ANKFN1: variants seen among roughly 807,000 people sequenced by gnomAD.
ANKFN1 encodes ankyrin repeat and fibronectin type III domain containing 1.
Under a neutral mutation model 108.7 loss-of-function variants are expected in ANKFN1, and 74 were observed. The ratio of observed to expected loss-of-function variants is 0.68; its 90% confidence interval spans 0.56 to 0.83. The LOEUF (loss-of-function observed/expected upper bound fraction) is 0.83. Among genes scored for constraint, ANKFN1 ranks in the 40% least tolerant of loss-of-function variants. The probability of loss-of-function intolerance (pLI) is 0.00; values close to 1 mark genes in which losing one functional copy is unlikely to be tolerated. For synonymous variants in ANKFN1, 547 were observed against 516.2 expected, an observed-to-expected ratio of 1.06 and a Z score of -0.81; for missense variants, 1,505 against 1,382.3, an observed-to-expected ratio of 1.09 and a Z score of -1.41.
intron 3 of ANKFN1, among the ~76,000 whole-genome samples, chr17:56,251,777 G>T (rs2043240941): frequency 6.6e-6 from 1 of 152,248 alleles, no homozygotes; most frequent in East Asian, 1.9e-4. Context: ...AGAGTTAAAA[G>T]AAGAGAAAAA....
upstream of ANKFN1, chr17:56,153,386 T>C: frequency 7.3e-6 from 9 of 1,237,068 alleles, no homozygotes; most frequent in Non-Finnish European, 9.5e-6. Context: ...GAGGCAGCCA[T>C]GCTCAGTCTC....
chr17:56,200,998 G>T lies in ANKFN1; in HGVS notation c.-70-11600G>T, dbSNP rs545460122. Among the ~76,000 whole-genome samples the T allele has an allele frequency of 1.6e-4, 24 of 152,234 alleles. 1 individual carries two copies. The highest frequency in any genetic ancestry group is 5.5e-4 in the African/African-American group (23 of 41,546). ...GCATCTCTCCAGAATAGCCCCAGTG[G>T]GTAGGACTACTGCAATCATCTTCTA... On this transcript the variant is annotated intron_variant, in intron 1 of 20. Transcript: ENST00000682825.
chr17:56,407,343 G>A (rs1296260571), intron 8 of ANKFN1, among the ~76,000 whole-genome samples: 6 of 152,156 alleles, frequency 3.9e-5, no homozygotes, highest in African/African-American at 1.2e-4. Context: ...TTTTATATGT[G>A]TTATATCACT....
At chr17:56,493,827 T>C (rs1252719228) in intron 19 of ANKFN1, among the ~76,000 whole-genome samples, 1 of 152,156 alleles carries the variant, frequency 6.6e-6, no homozygotes, top group Non-Finnish European at 1.5e-5. Context: ...TAAGAAGCTA[T>C]TATAACTATC....
At chr17:56,266,265 T>A (rs2043376682) in intron 3 of ANKFN1, among the ~76,000 whole-genome samples, 1 of 152,134 alleles carries the variant, frequency 6.6e-6, no homozygotes, top group Non-Finnish European at 1.5e-5. Flanking sequence ...TCTGTGAGAA[T>A]TTTACCTACC....
chr17:56,115,117 C>A (rs1245501352), intron 4 of ANKFN1, among the ~76,000 whole-genome samples: 2 of 152,166 alleles, frequency 1.3e-5, no homozygotes, highest in Non-Finnish European at 2.9e-5. Context: ...ATTACAGCAG[C>A]AATAGAAAAC....
rs1415109091 is a variant in ANKFN1, at chr17:56,388,486, T to C, written c.910+13772T>C. 2.0e-5 allele frequency among the ~76,000 whole-genome samples: 3 copies of C among 152,230 alleles called. No homozygotes were observed. In the East Asian group the frequency reaches 5.8e-4, roughly 29 times the overall value. ...CAATTATAGCTACAAAAGAAAAGCA[T>C]TTAACTCTTTTAATACTGCACTCCT... On this transcript the variant is annotated intron_variant, in intron 8 of 20. Coordinates refer to ENST00000682825, the MANE Select transcript of ANKFN1 (RefSeq NM_001370326.1).
At chr17:56,335,200 G>C (rs369220824) in intron 4 of ANKFN1, among the ~76,000 whole-genome samples, 1 of 152,032 alleles carries the variant, frequency 6.6e-6, no homozygotes, top group Non-Finnish European at 1.5e-5. Context: ...TTGGCAATGC[G>C]GGCTCTTTTT....
Position 56,350,747 on chromosome 17 carries a change from C to T in ANKFN1, c.189-19C>T, listed in dbSNP as rs368222872. 5.1e-5 allele frequency: 82 copies of T among 1,605,682 alleles called. No individual in the cohort carries two copies. Among genetic ancestry groups the T allele is most frequent in the African/African-American group, 4.0e-4 (30 of 74,672 alleles). ...ATTTGTGGTGTAAAAGATATAACAT[C>T]GGACTTTCCTCTTCTTAGGAATTGT... On this transcript the variant is annotated intron_variant, in intron 4 of 20. Coordinates refer to ENST00000682825, the MANE Select transcript of ANKFN1 (RefSeq NM_001370326.1).
intron 4 of ANKFN1, among the ~76,000 whole-genome samples, chr17:56,059,992 T>C (rs567354704): frequency 5.1e-4 from 78 of 152,228 alleles, no homozygotes; most frequent in Non-Finnish European, 9.6e-4. Flanking sequence ...TTGATAGGAA[T>C]AGCATTGAAT....
chr17:56,233,656 A>G (rs556650186), intron 3 of ANKFN1, among the ~76,000 whole-genome samples: 2 of 151,968 alleles, frequency 1.3e-5, no homozygotes, highest in East Asian at 1.9e-4. Context: ...TCCATTCCCT[A>G]TATAATTTTA....
intron 1 of ANKFN1, among the ~76,000 whole-genome samples, chr17:56,165,436 T>C (rs1388344115): frequency 6.6e-6 from 1 of 152,210 alleles, no homozygotes; most frequent in Non-Finnish European, 1.5e-5. Flanking sequence ...TTATGTCTCA[T>C]TTCCTTGTCA....
At chr17:56,495,061 C>T (rs759048456) in intron 19 of ANKFN1, among the ~76,000 whole-genome samples, 5 of 152,144 alleles carry the variant, frequency 3.3e-5, no homozygotes, top group Admixed American at 1.3e-4. Flanking sequence ...AGTTCTAGCC[C>T]GCTCTGGTCT....
At chr17:56,484,442 G>GAGA (rs908018104) in intron 18 of ANKFN1, among the ~76,000 whole-genome samples, 1 of 152,166 alleles carries the variant, frequency 6.6e-6, no homozygotes, top group African/African-American at 2.4e-5. Context: ...ATGAGAAAGG[G>GAGA]AGAAGTCTAA....
chr17:56,333,833 C>A (rs1212209556), intron 4 of ANKFN1, among the ~76,000 whole-genome samples: 1 of 152,042 alleles, frequency 6.6e-6, no homozygotes, highest in Non-Finnish European at 1.5e-5. Flanking sequence ...AAATGTAAAA[C>A]TAGAAATTAA....
chr17:56,108,703 G>A (rs1905798972), intron 4 of ANKFN1, among the ~76,000 whole-genome samples: 1 of 152,172 alleles, frequency 6.6e-6, no homozygotes, highest in Admixed American at 6.5e-5. Context: ...TAATTTTTCT[G>A]GAGTAACAGG....
intron 4 of ANKFN1, among the ~76,000 whole-genome samples, chr17:56,136,017 C>T (rs1308398678): frequency 6.6e-6 from 1 of 152,060 alleles, no homozygotes; most frequent in Non-Finnish European, 1.5e-5. Flanking sequence ...ATTTCATGCT[C>T]TAAGAACAAT....
At chr17:56,252,768 A>C (rs1338660547) in intron 3 of ANKFN1, among the ~76,000 whole-genome samples, 1 of 150,656 alleles carries the variant, frequency 6.6e-6, no homozygotes, top group African/African-American at 2.4e-5. Context: ...GATAAAAATA[A>C]TAATTGATGG....
intron 4 of ANKFN1, among the ~76,000 whole-genome samples, chr17:56,100,335 T>G (rs1175881937): frequency 1.3e-5 from 2 of 152,196 alleles, no homozygotes; most frequent in Non-Finnish European, 2.9e-5. Flanking sequence ...GCCATTCAAC[T>G]TTTCTGATGA....
Sources: allele counts gnomAD v4.1 joint callset (sites outside exome capture counted in the v4.1 genomes callset), GRCh38; gene constraint gnomAD v4.1.1; transcripts MANE v1.5; gene names NCBI Gene and HGNC (gene_info 2026-07-23, HGNC 2026-07-21).